The following RBBP8 variants were observed in gnomAD, a reference collection of about 807,000 sequenced individuals.
RBBP8 encodes RB binding protein 8, endonuclease, also known as DNA endonuclease RBBP8.
RBBP8 carries 88 observed loss-of-function variants against 108.3 expected under a neutral mutation model. That is an observed-to-expected ratio of 0.81 (90% CI 0.68 to 0.97). The LOEUF (loss-of-function observed/expected upper bound fraction) is 0.97. Among genes scored for constraint, RBBP8 ranks in the 50% least tolerant of loss-of-function variants. RBBP8 has a pLI of 0.00. For synonymous variants in RBBP8, 332 were observed against 348.2 expected (o/e 0.95, Z 0.52); for missense variants, 1,023 against 1,049.0 (o/e 0.98, Z 0.34).
chr18:22,963,484 A>G (rs1473381906), intron 4 of RBBP8, among the ~76,000 whole-genome samples: 1 of 152,064 alleles, frequency 6.6e-6, no homozygotes, highest in African/African-American at 2.4e-5. Context: ...ACGTTCTATC[A>G]TTTATCTAAA....
At chr18:22,936,706 CATAAAG>C (rs1475987113) in intron 1 of RBBP8, 42 bp from the exon 2 acceptor site, 5 of 857,134 alleles carry the variant, frequency 5.8e-6, no homozygotes, top group Non-Finnish European at 9.4e-6. Context: ...TTTCAAAGTA[CATAAAG>C]ATAAATGCAA....
intron 18 of RBBP8, 136 bp downstream of exon 18, chr18:23,022,406 G>T: frequency 2.5e-6 from 2 of 793,108 alleles, no homozygotes; most frequent in Non-Finnish European, 3.8e-6. Flanking sequence ...TTCAAGACCA[G>T]CCTGGCCAAC....
intron 5 of RBBP8, among the ~76,000 whole-genome samples, chr18:22,974,175 T>C (rs1356080330): frequency 6.6e-6 from 1 of 152,202 alleles, no homozygotes; most frequent in Non-Finnish European, 1.5e-5. Flanking sequence ...CTTCTTTTGC[T>C]AAAACACATG....
intron 15 of RBBP8, 142 bp downstream of exon 15, chr18:23,001,871 A>G (rs2144745718): frequency 8.2e-7 from 1 of 1,226,366 alleles, no homozygotes; most frequent in South Asian, 1.5e-5. Context: ...AGGTTTTTAA[A>G]ATTTTGAGAT....
intron 2 of RBBP8, chr18:22,915,514 G>GT (rs1450527576): frequency 2.0e-5 from 3 of 152,126 alleles, no homozygotes; most frequent in African/African-American, 7.2e-5. Flanking sequence ...ATGTAATGTT[G>GT]TATCTGCAAA....
chr18:22,974,959 C>T (rs1022014481), intron 5 of RBBP8, among the ~76,000 whole-genome samples, 194 bp from the exon 6 acceptor site: 1 of 152,090 alleles, frequency 6.6e-6, no homozygotes, highest in South Asian at 2.1e-4. Context: ...GGAACTGGCA[C>T]GGTGTGAGAT....
rs1386130066 is a variant in RBBP8, at chr18:22,993,199, G to C, written c.1372G>C (p.Val458Leu). Residue 458 changes from valine to leucine, a missense_variant, in exon 11 of 19, where the codon GTA becomes CTA. Transcript: ENST00000327155. Reference sequence around the variant, plus strand: ...AACTGAGGAAGAAAGTGAACATGAAGTAAGCTGCCCCCAAGCTTCTTTTGA... The same window carrying C: ...AACTGAGGAAGAAAGTGAACATGAACTAAGCTGCCCCCAAGCTTCTTTTGA... Reference protein sequence around the residue: ...KKTEEESEHEVSCPQASFDKE... With the variant: ...KKTEEESEHELSCPQASFDKE... 1 of 1,614,144 alleles carries C rather than the reference G, an allele frequency of 6.2e-7. No individual in the cohort carries two copies. The highest frequency in any genetic ancestry group is 1.7e-5 in the Admixed American group (1 of 60,008).
chr18:22,960,240 A>G (rs1253018442), intron 4 of RBBP8, among the ~76,000 whole-genome samples: 1 of 152,202 alleles, frequency 6.6e-6, no homozygotes, highest in African/African-American at 2.4e-5. Context: ...TAAAATTCTC[A>G]TAACATACAG....
At chr18:22,929,856 A>T (rs1197107620), upstream of RBBP8, among the ~76,000 whole-genome samples, 1 of 152,152 alleles carries the variant, frequency 6.6e-6, no homozygotes, top group African/African-American at 2.4e-5. Flanking sequence ...AAAATAGTAA[A>T]GGTCTGGAAG....
chr18:22,948,742 C>T (rs1030457765), intron 3 of RBBP8, among the ~76,000 whole-genome samples: 3 of 152,232 alleles, frequency 2.0e-5, no homozygotes, highest in East Asian at 3.9e-4. Flanking sequence ...TTAGACCCTT[C>T]AAGGGACTGG....
chr18:22,919,692 C>G (rs1418291732), intron 3 of RBBP8, among the ~76,000 whole-genome samples: 3 of 152,090 alleles, frequency 2.0e-5, no homozygotes, highest in African/African-American at 7.2e-5. Flanking sequence ...GCTGGGATTA[C>G]AGGGACATGC....
intron 17 of RBBP8, 44 bp downstream of exon 17, chr18:23,016,968 T>C (rs765902224): frequency 7.5e-7 from 1 of 1,334,944 alleles, no homozygotes; most frequent in Admixed American, 1.7e-5. Context: ...AGTACGGCTT[T>C]ATAGATAATA....
intron 8 of RBBP8, among the ~76,000 whole-genome samples, chr18:22,985,489 G>A (rs1287477433): frequency 2.6e-5 from 4 of 152,168 alleles, no homozygotes; most frequent in Non-Finnish European, 5.9e-5. Context: ...CCCAGGCAGA[G>A]AAATTAGCAA....
chr18:23,012,301 G>A (rs955676481), intron 16 of RBBP8, among the ~76,000 whole-genome samples: 1 of 149,698 alleles, frequency 6.7e-6, no homozygotes, highest in African/African-American at 2.5e-5. Flanking sequence ...TAAATCAAAT[G>A]CTAGAAATGA....
chr18:22,924,903 T>C (rs1485932497), intron 3 of RBBP8, among the ~76,000 whole-genome samples: 1 of 152,070 alleles, frequency 6.6e-6, no homozygotes, highest in Non-Finnish European at 1.5e-5. Flanking sequence ...CTTTTTTTTT[T>C]TTCTTTTTTT....
intron 3 of RBBP8, among the ~76,000 whole-genome samples, chr18:22,919,654 C>A (rs916246784): frequency 6.6e-6 from 1 of 152,104 alleles, no homozygotes; most frequent in African/African-American, 2.4e-5. Flanking sequence ...CAGGTTCAAG[C>A]GATTCTCCTG....
intron 6 of RBBP8, among the ~76,000 whole-genome samples, chr18:22,977,493 T>C (rs1914576776): frequency 6.6e-6 from 1 of 152,086 alleles, no homozygotes; most frequent in African/African-American, 2.4e-5. Context: ...AAGCTAGGTA[T>C]TGAGGTCATC....
At chr18:23,021,613 A>G (rs898008829) in intron 17 of RBBP8, among the ~76,000 whole-genome samples, 4 of 152,220 alleles carry the variant, frequency 2.6e-5, no homozygotes, top group African/African-American at 4.8e-5. Context: ...TTAAAGGGAG[A>G]AGTCATGGAG....
At chr18:22,990,200 A>G (rs1231156518) in intron 9 of RBBP8, among the ~76,000 whole-genome samples, 1 of 152,196 alleles carries the variant, frequency 6.6e-6, no homozygotes, top group African/African-American at 2.4e-5. Context: ...AAATCTAATG[A>G]CTTGCTGCTT....
Sources: allele counts gnomAD v4.1 joint callset (sites outside exome capture counted in the v4.1 genomes callset), GRCh38; gene constraint gnomAD v4.1.1; transcripts MANE v1.5; gene names NCBI Gene and HGNC (gene_info 2026-07-23, HGNC 2026-07-21).